GTF2I: variants seen among roughly 807,000 people sequenced by gnomAD.
GTF2I encodes the protein general transcription factor IIi.
GTF2I carries 12 observed loss-of-function variants against 67.6 expected under a neutral mutation model. That is an observed-to-expected ratio of 0.18 (90% CI 0.11 to 0.29). GTF2I has a LOEUF of 0.29. GTF2I is among the 10% of genes least tolerant of loss of function. The pLI, the probability that GTF2I is intolerant of heterozygous loss-of-function variation, is 1.00. For missense variants in GTF2I, 271 were observed against 580.1 expected (o/e 0.47, Z 5.47); for synonymous variants, 149 against 197.0 (o/e 0.76, Z 2.04).
At chr7:74,672,822 G>C (rs1014968164) in intron 1 of GTF2I, among the ~76,000 whole-genome samples, 2 of 152,020 alleles carry the variant, frequency 1.3e-5, no homozygotes, top group Non-Finnish European at 2.9e-5. Flanking sequence ...AGACAATATC[G>C]ACAACAATGA....
chr7:74,658,712 G>A (rs1446817430), intron 1 of GTF2I, among the ~76,000 whole-genome samples: 3 of 151,432 alleles, frequency 2.0e-5, no homozygotes, highest in Non-Finnish European at 4.4e-5. Context: ...GGAGTCCGCA[G>A]TGGGCTTTGT....
rs766403102 is a variant in GTF2I at position 74,724,042 on chromosome 7, G to A, written c.944-4744G>A. Reference sequence around the variant, plus strand: ...AAGCCACCAGGCTTTGCTGTTTATTGTTTAATTCTTGTATTTTCTTAAATG... The same window carrying A: ...AAGCCACCAGGCTTTGCTGTTTATTATTTAATTCTTGTATTTTCTTAAATG... On this transcript the variant is annotated intron_variant, in intron 12 of 34. Transcript: ENST00000573035. Among the ~76,000 whole-genome samples the A allele has an allele frequency of 1.6e-3, 239 of 152,170 alleles. 1 individual carries two copies. The highest frequency in any genetic ancestry group is 2.8e-3 in the Non-Finnish European group (188 of 67,978).
intron 9 of GTF2I, among the ~76,000 whole-genome samples, chr7:74,712,986 AGTGTTGGGAAT>A (rs1352284090): frequency 1.3e-5 from 2 of 152,120 alleles, no homozygotes; most frequent in Non-Finnish European, 1.5e-5. Context: ...TTCAAATGTG[AGTGTTGGGAAT>A]GTGTTGATTT....
At chr7:74,669,816 C>T (rs1805303530) in intron 1 of GTF2I, among the ~76,000 whole-genome samples, 2 of 152,264 alleles carry the variant, frequency 1.3e-5, no homozygotes, top group South Asian at 4.1e-4. Flanking sequence ...CAGGTGTGAG[C>T]CACCGTGTCC....
intron 12 of GTF2I, chr7:74,722,929 G>A (rs1159116050): frequency 1.3e-5 from 2 of 152,100 alleles, no homozygotes; most frequent in African/African-American, 2.4e-5. Context: ...TGAATAATAC[G>A]TTTTTAGAGT....
intron 7 of GTF2I, 77 bp downstream of exon 7, chr7:74,705,295 G>A (rs1161847435): frequency 6.8e-6 from 6 of 877,684 alleles, no homozygotes; most frequent in Non-Finnish European, 1.1e-5. Flanking sequence ...TGAGATATCA[G>A]AATATTAAAA....
At chr7:74,711,949 C>CTT (rs587731254) in intron 9 of GTF2I, among the ~76,000 whole-genome samples, 61 of 134,094 alleles carry the variant, frequency 4.5e-4, no homozygotes, top group Non-Finnish European at 5.8e-4. Context: ...TCATTTCTCT[C>CTT]TTTTTTTTTT....
intron 10 of GTF2I, among the ~76,000 whole-genome samples, chr7:74,715,160 A>G (rs1326039056): frequency 6.6e-6 from 1 of 152,070 alleles, no homozygotes; most frequent in Non-Finnish European, 1.5e-5. Context: ...ACACTTTCCT[A>G]TTGAAGGTAA....
intron 12 of GTF2I, among the ~76,000 whole-genome samples, chr7:74,721,202 C>T (rs184309943): frequency 1.6e-4 from 25 of 152,176 alleles, no homozygotes; most frequent in African/African-American, 5.5e-4. Context: ...CCGCCATGCT[C>T]GGCTAATTTT....
chr7:74,711,123 AT>A lies in GTF2I; in HGVS notation c.763+15del, dbSNP rs782455973. The A allele has an allele frequency of 1.4e-5, 16 of 1,147,740 alleles. No homozygotes were observed. In the South Asian group the frequency reaches 2.3e-4, roughly 17 times the overall value. 71.1% of individuals were successfully genotyped at this position (1,147,740 alleles called of 1,614,324 possible). A position where few individuals can be genotyped will look rare whatever the true frequency, so the allele number is the denominator to read the frequency against. On this transcript the variant is annotated intron_variant, in intron 9 of 34. Coordinates refer to ENST00000573035, the MANE Select transcript of GTF2I (RefSeq NM_032999.4). ...ATAACATTCAAGGTAATTTGAATTA[AT>A]GCAATTTTTCTTTCTAAAAATTATT...
intron 5 of GTF2I, 76 bp from the exon 6 acceptor site, chr7:74,700,528 CAG>C: frequency 6.3e-7 from 1 of 1,591,314 alleles, no homozygotes; most frequent in Non-Finnish European, 8.6e-7. Context: ...ATATTTAACA[CAG>C]AAGTCATTTA....
At chr7:74,694,450 G>C (rs1241653066) in intron 3 of GTF2I, among the ~76,000 whole-genome samples, 1 of 152,192 alleles carries the variant, frequency 6.6e-6, no homozygotes, top group African/African-American at 2.4e-5. Flanking sequence ...AGCCAGGCCT[G>C]GTGGCGTGCA....
chr7:74,658,263 CGCCGG>C (rs1554384607), intron 1 of GTF2I, among the ~76,000 whole-genome samples, 195 bp downstream of exon 1: 1 of 149,936 alleles, frequency 6.7e-6, no homozygotes, highest in Non-Finnish European at 1.5e-5. Context: ...CCCACCGCCT[CGCCGG>C]GTCTCGAGCC....
At chr7:74,706,077 G>A (rs1462242071) in intron 7 of GTF2I, among the ~76,000 whole-genome samples, 4 of 151,686 alleles carry the variant, frequency 2.6e-5, no homozygotes, top group South Asian at 2.1e-4. Flanking sequence ...GCGCCACCAC[G>A]CCTGGCTAAT....
chr7:74,714,541 GT>G (rs1238500014), intron 9 of GTF2I, among the ~76,000 whole-genome samples: 4 of 151,956 alleles, frequency 2.6e-5, no homozygotes, highest in Non-Finnish European at 5.9e-5. Flanking sequence ...ACAGTTTACT[GT>G]TATGAACATT....
chr7:74,691,178 A>G (rs1788256954), intron 3 of GTF2I, 67 bp downstream of exon 3: 1 of 1,110,034 alleles, frequency 9.0e-7, no homozygotes, highest in Admixed American at 2.5e-5. Flanking sequence ...AGGTAAGACA[A>G]GTTATATTAT....
intron 12 of GTF2I, chr7:74,722,880 G>A (rs1554404892): frequency 6.6e-6 from 1 of 152,022 alleles, no homozygotes; most frequent in East Asian, 1.9e-4. Context: ...AATTATATAT[G>A]TAAAAAAAGG....
rs587623523 is a variant in GTF2I at position 74,674,695 on chromosome 7, C to T, written c.-5-14429C>T. On this transcript the variant is annotated intron_variant, in intron 1 of 34. Coordinates refer to ENST00000573035, the MANE Select transcript of GTF2I (RefSeq NM_032999.4). The stretch of plus-strand genomic sequence containing the variant: ...CTGGGATTACAGGCATGAGCCACCA[C>T]GCTCAACTAATTTTGCATTTTTTTT... Among the ~76,000 whole-genome samples, 4 of 151,766 alleles carry T rather than the reference C, an allele frequency of 2.6e-5. No individual in the cohort carries two copies. The South Asian group carries it at 6.2e-4, about 24-fold the overall frequency.
chr7:74,704,482 G>A (rs587656429), intron 6 of GTF2I, among the ~76,000 whole-genome samples: 6 of 151,632 alleles, frequency 4.0e-5, no homozygotes, highest in Non-Finnish European at 7.4e-5. Context: ...TAGCAGAGAC[G>A]GGGGTTCACC....
Sources: gnomAD v4.1 joint callset for allele counts (sites outside exome capture counted in the v4.1 genomes callset) on GRCh38, gnomAD v4.1.1 for gene constraint, MANE v1.5 for transcripts, NCBI Gene and HGNC (gene_info 2026-07-23, HGNC 2026-07-21) for gene names.